Variants in TNS3 observed in about 807,000 individuals in gnomAD.
TNS3 encodes tensin 3, also known as tensin-3.
A neutral mutation model predicts 140.9 loss-of-function variants in TNS3; 45 were observed. The observed-to-expected ratio is 0.32, with a 90% CI of 0.25 to 0.41. The LOEUF (loss-of-function observed/expected upper bound fraction) is 0.41. Among genes scored for constraint, TNS3 ranks in the 10% least tolerant of loss-of-function variants. The pLI is 1.00. For synonymous variants in TNS3, 815 were observed against 788.4 expected (o/e 1.03, Z -0.56); for missense variants, 1,716 against 1,906.7 (o/e 0.90, Z 1.86).
intron 2 of TNS3, among the ~76,000 whole-genome samples, chr7:47,527,193 C>T (rs1236997981): frequency 2.6e-5 from 4 of 152,072 alleles, no homozygotes; most frequent in Admixed American, 6.5e-5. Context: ...GCCGAGATCG[C>T]GCCACTGCAC....
intron 16 of TNS3, among the ~76,000 whole-genome samples, chr7:47,379,277 T>C (rs1791604359): frequency 6.6e-6 from 1 of 152,240 alleles, no homozygotes; most frequent in Non-Finnish European, 1.5e-5. Context: ...AGGGGCGTTG[T>C]ATTATCTTAC....
intron 27 of TNS3, among the ~76,000 whole-genome samples, chr7:47,289,349 TA>T (rs1785579109): frequency 1.3e-5 from 2 of 152,152 alleles, no homozygotes; most frequent in Non-Finnish European, 2.9e-5. Context: ...ATGAAAAACT[TA>T]AAACAGTTTT....
Position 47,297,198 on chromosome 7 carries a change from T to C in TNS3, c.3560A>G (p.Lys1187Arg), listed in dbSNP as rs1240495143. ...ISREQAIAML[K>R]DKEPGSFIVR... is the part of the protein sequence containing the mutation. ...AATGAATGAGCCCGGCTCCTTGTCCTTCAACATGGCGATGGCTGGAGAAAG... is the reference window on the plus strand; with the variant it reads ...AATGAATGAGCCCGGCTCCTTGTCCCTCAACATGGCGATGGCTGGAGAAAG... The change falls in exon 24 of 31, where the codon AAG (lysine) becomes AGG (arginine). Residue 1187 changes from lysine to arginine, a missense_variant. Physicochemically the swap from Lys to Arg is conservative, Grantham distance 26 (BLOSUM62 2). This residue lies in a region of TNS3 where 1,163 missense variants were observed against 1,182.1 expected (regional missense o/e 0.98). Transcript: ENST00000311160. The C allele has an allele frequency of 2.5e-6, 4 of 1,612,218 alleles. No individual in the cohort carries two copies. The highest frequency in any genetic ancestry group is 3.4e-6 in the Non-Finnish European group (4 of 1,179,292).
intron 3 of TNS3, among the ~76,000 whole-genome samples, chr7:47,499,940 T>C (rs1301050174): frequency 6.6e-6 from 1 of 152,116 alleles, no homozygotes; most frequent in Non-Finnish European, 1.5e-5. Flanking sequence ...TCTCTGTGCG[T>C]GAATATGCAT....
At chr7:47,332,241 T>C (rs1788382912) in intron 20 of TNS3, among the ~76,000 whole-genome samples, 1 of 152,220 alleles carries the variant, frequency 6.6e-6, no homozygotes. Flanking sequence ...CTAGAGGGGA[T>C]GGAACTGTGG....
At chr7:47,285,766 G>A (rs1016326897) in intron 27 of TNS3, among the ~76,000 whole-genome samples, 2 of 152,210 alleles carry the variant, frequency 1.3e-5, no homozygotes, top group East Asian at 1.9e-4. Context: ...AACCTTCAGG[G>A]AAAGACATTT....
In TNS3 at chr7:47,472,758, G is replaced by T. The variant is rs992836424; in HGVS notation, c.-76+8345C>A. On this transcript the variant is annotated intron_variant, in intron 4 of 30. Transcript: ENST00000311160. ...AGAGTAAATCCCGGACACTCCTGCTGGTCTGCACTTGCTCCAAAGCAACAG... is the reference window on the plus strand; with the variant it reads ...AGAGTAAATCCCGGACACTCCTGCTTGTCTGCACTTGCTCCAAAGCAACAG... Among the ~76,000 whole-genome samples, 3 of 152,182 alleles carry T rather than the reference G, an allele frequency of 2.0e-5. No individual in the cohort carries two copies. In the East Asian group the frequency reaches 5.8e-4, roughly 29 times the overall value.
At chr7:47,409,356 T>A (rs1793629954) in intron 13 of TNS3, among the ~76,000 whole-genome samples, 1 of 151,566 alleles carries the variant, frequency 6.6e-6, no homozygotes, top group Non-Finnish European at 1.5e-5. Flanking sequence ...AGGAAGACCC[T>A]GCAGCTACCA....
Position 47,446,786 on chromosome 7 carries a change from G to A in TNS3, c.-75-4731C>T, listed in dbSNP as rs543423452. Among the ~76,000 whole-genome samples, 4 of 146,192 alleles carry A rather than the reference G, an allele frequency of 2.7e-5. No individual in the cohort carries two copies. The South Asian group carries it at 8.7e-4, about 32-fold the overall frequency. On this transcript the variant is annotated intron_variant, in intron 4 of 30. Transcript: ENST00000311160. Reference sequence around the variant, plus strand: ...GACTGCAGCCTCTCAGTGACTTCTCGGGCTCAGATCATCCTCCCACCTCAT... The same window carrying A: ...GACTGCAGCCTCTCAGTGACTTCTCAGGCTCAGATCATCCTCCCACCTCAT...
At chr7:47,484,026 G>A (rs1797522962) in intron 3 of TNS3, among the ~76,000 whole-genome samples, 1 of 152,218 alleles carries the variant, frequency 6.6e-6, no homozygotes, top group African/African-American at 2.4e-5. Flanking sequence ...TAGGGGGCGA[G>A]CAGCCCCCAG....
rs1798188069 is a variant in TNS3 at position 47,500,905 on chromosome 7, C to T, written c.-115+6002G>A. ...GACCAGCCTGGCCAATATGGTGAAA[C>T]CCCGTCTCTACTAAAAATAAAAATT... On this transcript the variant is annotated intron_variant, in intron 3 of 30. Coordinates refer to ENST00000311160, the MANE Select transcript of TNS3 (RefSeq NM_022748.12). 2.6e-5 allele frequency among the ~76,000 whole-genome samples: 4 copies of T among 151,974 alleles called. No individual in the cohort carries two copies. In the South Asian group the frequency reaches 8.3e-4, roughly 32 times the overall value.
intron 4 of TNS3, among the ~76,000 whole-genome samples, chr7:47,446,286 G>A (rs2002723): frequency 0.29 from 43,553 of 151,842 alleles, 6,556 homozygotes; most frequent in South Asian, 0.44. Context: ...TAATTTTTTT[G>A]TATTTTTAAT....
At chr7:47,347,372 C>T (rs1442956043) in intron 17 of TNS3, among the ~76,000 whole-genome samples, 1 of 152,144 alleles carries the variant, frequency 6.6e-6, no homozygotes, top group Non-Finnish European at 1.5e-5. Flanking sequence ...ACACCTCCTA[C>T]ATCCAGAGAC....
At chr7:47,493,827 C>CA (rs773516399) in intron 3 of TNS3, among the ~76,000 whole-genome samples, 6,871 of 114,118 alleles carry the variant, frequency 0.06, 212 homozygotes, top group Non-Finnish European at 0.087. Flanking sequence ...GACTCCGTCT[C>CA]AAAAAAAAAA....
At chr7:47,310,623 C>T (rs369074739) in intron 20 of TNS3, among the ~76,000 whole-genome samples, 2 of 152,124 alleles carry the variant, frequency 1.3e-5, no homozygotes, top group Admixed American at 1.3e-4. Context: ...ACAGAAAAAA[C>T]GCCCACAGCT....
intron 1 of TNS3, chr7:47,579,885 A>G (rs991249586): frequency 3.0e-6 from 3 of 983,922 alleles, no homozygotes; most frequent in Middle Eastern, 5.2e-4. Flanking sequence ...TATCCCCTTC[A>G]GCAACACCTC....
At chr7:47,576,807 G>A (rs1417121927) in intron 1 of TNS3, among the ~76,000 whole-genome samples, 1 of 152,172 alleles carries the variant, frequency 6.6e-6, no homozygotes, top group Non-Finnish European at 1.5e-5. Context: ...AGGGTGATGG[G>A]GAGAGCGCAG....
intron 2 of TNS3, among the ~76,000 whole-genome samples, chr7:47,509,509 G>A (rs1488278103): frequency 6.6e-6 from 1 of 152,124 alleles, no homozygotes; most frequent in Non-Finnish European, 1.5e-5. Context: ...CTCTCGGGGA[G>A]GAACTGTAAG....
intron 2 of TNS3, among the ~76,000 whole-genome samples, chr7:47,524,335 G>A (rs1360352159): frequency 6.6e-6 from 1 of 152,238 alleles, no homozygotes; most frequent in Non-Finnish European, 1.5e-5. Flanking sequence ...CAGGGTGTGA[G>A]TGGCACAGCC....
Sources: gnomAD v4.1 joint callset for allele counts (sites outside exome capture counted in the v4.1 genomes callset) on GRCh38, gnomAD v4.1.1 for gene constraint, gnomAD v4.1.1 regional missense constraint, MANE v1.5 for transcripts, NCBI Gene and HGNC (gene_info 2026-07-23, HGNC 2026-07-21) for gene names.